Variants in CYP2A7 observed in about 807,000 individuals in gnomAD.
CYP2A7 encodes the protein cytochrome P450 family 2 subfamily A member 7.
In CYP2A7, 36 loss-of-function variants were observed where a neutral mutation model predicts 42.0. The observed-to-expected ratio is 0.86, with a 90% CI of 0.66 to 1.13. CYP2A7 has a LOEUF of 1.13. CYP2A7 is among the 50% of genes most tolerant of loss of function. The pLI is 0.00. For synonymous variants in CYP2A7, 260 were observed against 249.5 expected (o/e 1.04, Z -0.40); for missense variants, 661 against 634.1 (o/e 1.04, Z -0.46).
In CYP2A7 at chr19:40,880,468, A is replaced by G. The variant is rs1362929571; in HGVS notation, c.493+11T>C. The stretch of plus-strand genomic sequence containing the variant: ...CTTCTCCTGCCCCCGCACTCGGGGA[A>G]CCTTACTCACCGTGCGTGCTCCGGA... On this transcript the variant is annotated intron_variant, in intron 3 of 8. Coordinates refer to ENST00000301146, the MANE Select transcript of CYP2A7 (RefSeq NM_000764.3). 1 of 1,611,102 alleles carries G rather than the reference A, an allele frequency of 6.2e-7. No homozygotes were observed. The highest frequency in any genetic ancestry group is 8.5e-7 in the Non-Finnish European group (1 of 1,178,030).
chr19:40,881,933 C>G (rs1967702579), intron 1 of CYP2A7, 98 bp downstream of exon 1: 2 of 1,521,456 alleles, frequency 1.3e-6, no homozygotes, highest in South Asian at 2.6e-5. Flanking sequence ...ACTCCCTTTC[C>G]TAAGACTCTG....
At position 40,878,708 on chromosome 19, in the gene CYP2A7, G is replaced by T. The variant is rs1967591428; in HGVS notation, c.831+52C>A. 9 of 1,599,030 alleles carry T rather than the reference G, an allele frequency of 5.6e-6. No individual in the cohort carries two copies. The East Asian group carries it at 2.0e-4, about 36-fold the overall frequency. On this transcript the variant is annotated intron_variant, in intron 5 of 8. Transcript: ENST00000301146. Reference sequence around the variant, plus strand: ...CGTCTGCCCGCCCCACTCCCAGTCTGATTTCCCTCTGCCTGGCTTTGCACC... The same window carrying T: ...CGTCTGCCCGCCCCACTCCCAGTCTTATTTCCCTCTGCCTGGCTTTGCACC...
Position 40,878,929 on chromosome 19 carries a change from T to C in CYP2A7, c.662A>G (p.Glu221Gly), listed in dbSNP as rs1227887313. ...FTSTSTGQLY[E>G]MFSSVMKHLP... ...GTGTTTCATCACCGAAGAGAACATC[T>C]CATAGAGCTGGGGTTGCAGAGAGAG... Residue 221 changes from glutamate to glycine, a missense_variant, in exon 5 of 9, where the codon GAG becomes GGG. Glu to Gly is a moderately conservative substitution (Grantham distance 98). Around this residue, in one of 3 missense-constraint regions of CYP2A7, gnomAD observed 614 missense variants for 552.4 expected, o/e 1.11. Transcript: ENST00000301146. 1.2e-6 allele frequency: 2 copies of C among 1,608,190 alleles called. No homozygotes were observed. Among genetic ancestry groups the C allele is most frequent in the Non-Finnish European group, 1.7e-6 (2 of 1,176,038 alleles).
In CYP2A7 at chr19:40,882,101, G is replaced by A. The variant is rs1398883747; in HGVS notation, c.110C>T (p.Pro37Leu). 3.1e-6 allele frequency: 5 copies of A among 1,613,908 alleles called. No homozygotes were observed. Among genetic ancestry groups the A allele is most frequent in the Non-Finnish European group, 4.2e-6 (5 of 1,179,882 alleles). Residue 37 changes from proline to leucine, a missense_variant, in exon 1 of 9, where the codon CCC (proline) becomes CTC (leucine). Around this residue, in one of 3 missense-constraint regions of CYP2A7, gnomAD observed 614 missense variants for 552.4 expected, o/e 1.11. Transcript: ENST00000301146. ...GTTTCCAATGAAGGGCAGTGGGGTG[G>A]GTCCCGGAGGCAGCTTCCCCCTGCT... ...RKSRGKLPPG[P>L]TPLPFIGNYL...
chr19:40,878,942 G>A lies in CYP2A7; in HGVS notation c.655-6C>T, dbSNP rs1485776343. ...GAAGAGAACATCTCATAGAGCTGGGGTTGCAGAGAGAGGATGGGAAGGGAA... is the reference window on the plus strand; with the variant it reads ...GAAGAGAACATCTCATAGAGCTGGGATTGCAGAGAGAGGATGGGAAGGGAA... On this transcript the variant is annotated splice_polypyrimidine_tract_variant and splice_region_variant and intron_variant, in intron 4 of 8. Coordinates refer to ENST00000301146, the MANE Select transcript of CYP2A7 (RefSeq NM_000764.3). 3.1e-6 allele frequency: 5 copies of A among 1,604,894 alleles called. No homozygotes were observed. In the African/African-American group the frequency reaches 4.0e-5, roughly 13 times the overall value.
At chr19:40,877,079 CTGAT>C in intron 7 of CYP2A7, 107 bp downstream of exon 7, 5 of 1,263,024 alleles carry the variant, frequency 4.0e-6, no homozygotes, top group South Asian at 1.4e-5. Context: ...TCCTTTTTGA[CTGAT>C]TGAGGGAGTG....
At position 40,881,448 on chromosome 19, in the gene CYP2A7, A is replaced by C. The variant is rs919847602; in HGVS notation, c.343+141T>G. On this transcript the variant is annotated intron_variant, in intron 2 of 8. Transcript: ENST00000301146. ...TGAGGGATACACATGGAGAGGCCAC[A>C]GTGAAGGGAGATGGGGAGATAAGAC... 12 of 1,420,798 alleles carry C rather than the reference A, an allele frequency of 8.4e-6. 1 individual carries two copies. The highest frequency in any genetic ancestry group is 1.0e-5 in the Non-Finnish European group (11 of 1,048,606). 88.0% of individuals were successfully genotyped at this position (1,420,798 alleles called of 1,614,324 possible).
At chr19:40,880,826 A>ACCG (rs1967659285) in intron 2 of CYP2A7, among the ~76,000 whole-genome samples, 198 bp from the exon 3 acceptor site, 1 of 89,896 alleles carries the variant, frequency 1.1e-5, no homozygotes, top group African/African-American at 4.0e-5. Flanking sequence ...AGAGAGAGAG[A>ACCG]GAGAGAGAGA....
intron 5 of CYP2A7, among the ~76,000 whole-genome samples, chr19:40,878,227 C>T (rs1399349966): frequency 1.3e-5 from 2 of 151,598 alleles, no homozygotes; most frequent in African/African-American, 4.8e-5. Flanking sequence ...TAATTATCAA[C>T]TTAGCTGTCA....
At position 40,877,205 on chromosome 19, in the gene CYP2A7, A is replaced by G. The variant is rs766787384; in HGVS notation, c.1146T>C (p.Asp382=). 1.3e-5 allele frequency: 21 copies of G among 1,612,654 alleles called. No individual in the cohort carries two copies. The Admixed American group carries it at 1.5e-4, about 12-fold the overall frequency. ...RRVKKDTKFR[D]FFLPKGTEVF... is the part of the protein sequence containing the mutation. ...AGGATAGCACCTTAGGGAGGAAAAA[A>G]TCCCGAAACTTGGTGTCCTTTTTAA... Residue 382 remains aspartate, a synonymous_variant, in exon 7 of 9, where the codon GAT becomes GAC. Coordinates refer to ENST00000301146, the MANE Select transcript of CYP2A7 (RefSeq NM_000764.3).
At chr19:40,879,154 A>G (rs1440089283) in intron 4 of CYP2A7, among the ~76,000 whole-genome samples, 6 of 151,880 alleles carry the variant, frequency 4.0e-5, no homozygotes, top group Non-Finnish European at 5.9e-5. Context: ...AGAAGAACTG[A>G]GGCATATATC....
At chr19:40,879,089 T>C (rs751380339) in intron 4 of CYP2A7, among the ~76,000 whole-genome samples, 153 bp from the exon 5 acceptor site, 2 of 151,864 alleles carry the variant, frequency 1.3e-5, no homozygotes, top group South Asian at 2.1e-4. Context: ...TAGGAACTTA[T>C]ATCTAAGTTT....
rs1967541675 is a variant in CYP2A7, at chr19:40,876,728, C to T, written c.1162-60G>A. 3.2e-6 allele frequency: 5 copies of T among 1,568,072 alleles called. No individual in the cohort carries two copies. In the Admixed American group the frequency reaches 8.8e-5, roughly 28 times the overall value. On this transcript the variant is annotated intron_variant, in intron 7 of 8. Transcript: ENST00000301146. The stretch of plus-strand genomic sequence containing the variant: ...GGGTCGGGGGATTGGTGAAAGTACA[C>T]AGGGGCTGGAGGGGGAACTAGTGTG...
In CYP2A7 at chr19:40,882,163, A is replaced by G. The variant is rs1599796283; in HGVS notation, c.48T>C (p.Thr16=). ...GCCAGACAGACATCAAGACCATCAC[A>G]GTCAGGCAGGCCAGCAAGGCCACCA... ...LLLVALLACL[T]VMVLMSVWQQ... Residue 16 remains threonine, a synonymous_variant, in exon 1 of 9, where the codon ACT becomes ACC. Transcript: ENST00000301146. 1 of 1,613,986 alleles carries G rather than the reference A, an allele frequency of 6.2e-7. No homozygotes were observed. The highest frequency in any genetic ancestry group is 8.5e-7 in the Non-Finnish European group (1 of 1,179,874).
In CYP2A7 at chr19:40,875,566, T is replaced by C. The variant is rs935294362; in HGVS notation, c.*127A>G. On this transcript the variant is annotated 3_prime_UTR_variant, in exon 9 of 9. Coordinates refer to ENST00000301146, the MANE Select transcript of CYP2A7 (RefSeq NM_000764.3). ...CCGCTTCTGTTTCTTCTCTTCCCTC[T>C]AGCCACCACGCCCCTTCCTTTCCCG... 6 of 1,462,788 alleles carry C rather than the reference T, an allele frequency of 4.1e-6. No homozygotes were observed. In the African/African-American group the frequency reaches 7.1e-5, roughly 17 times the overall value. 90.6% of individuals were successfully genotyped at this position (1,462,788 alleles called of 1,614,324 possible). A position where few individuals can be genotyped will look rare whatever the true frequency, so the allele number is the denominator to read the frequency against.
rs1478441831 is a variant in CYP2A7, at chr19:40,882,014, T to C, written c.180+17A>G. 6.2e-7 allele frequency: 1 copy of C among 1,607,262 alleles called. No homozygotes were observed. The highest frequency in any genetic ancestry group is 2.2e-5 in the East Asian group (1 of 44,816). On this transcript the variant is annotated intron_variant, in intron 1 of 8. Transcript: ENST00000301146. Reference sequence around the variant, plus strand: ...CAGCCCCCACCCTGTGCCACCCATCTTCCTGCCTTGGGACACCTTCATGAT... The same window carrying C: ...CAGCCCCCACCCTGTGCCACCCATCCTCCTGCCTTGGGACACCTTCATGAT...
chr19:40,877,376 G>C lies in CYP2A7; in HGVS notation c.975C>G (p.Ala325=). The change falls in exon 7 of 9, where the codon GCC becomes GCG. Residue 325 remains alanine (A), a splice_region_variant and synonymous_variant. Transcript: ENST00000301146. ...CTCTGTCAATCTCCTCATGGACCTT[G>C]GCTGGGGGAGGAGGGGGAATGTGTT... is the stretch of plus-strand genomic sequence containing the variant. ...LLLMKHPEVE[A]KVHEEIDRVI... 6.2e-7 allele frequency: 1 copy of C among 1,611,348 alleles called. No homozygotes were observed. The highest frequency in any genetic ancestry group is 1.1e-5 in the South Asian group (1 of 90,972).
At chr19:40,876,990 C>T (rs74493998) in intron 7 of CYP2A7, 200 bp downstream of exon 7, 50,963 of 675,744 alleles carry the variant, frequency 0.075, 2,999 homozygotes, top group African/African-American at 0.077. Context: ...TTGATTCTCC[C>T]GACACAAAGA....
rs1060095 is a variant in CYP2A7, at chr19:40,875,598, C to G, written c.*95G>C. ...CACGCCCCTTCCTTTCCCGCATCTT[C>G]CCCCCATTCTTATACCCGCCTCTTC... On this transcript the variant is annotated 3_prime_UTR_variant, in exon 9 of 9. Transcript: ENST00000301146. 7.2e-4 allele frequency: 1,146 copies of G among 1,585,488 alleles called. 2 individuals are homozygous for G. The highest frequency in any genetic ancestry group is 9.2e-4 in the Admixed American group (53 of 57,758).
Sources: gnomAD v4.1 joint callset for allele counts (sites outside exome capture counted in the v4.1 genomes callset) on GRCh38, gnomAD v4.1.1 for gene constraint, gnomAD v4.1.1 regional missense constraint, MANE v1.5 for transcripts, NCBI Gene and HGNC (gene_info 2026-07-23, HGNC 2026-07-21) for gene names.